Variants in TCF7 observed in about 807,000 individuals in gnomAD.
TCF7 encodes the protein T-cell-factor-7.
TCF7 carries 19 observed loss-of-function variants against 46.8 expected under a neutral mutation model. The ratio of observed to expected loss-of-function variants is 0.41; its 90% CI spans 0.28 to 0.60. TCF7 has a LOEUF of 0.60. Among genes scored for constraint, TCF7 ranks in the 20% least tolerant of loss-of-function variants. The pLI is 0.35. For synonymous variants in TCF7, 245 were observed against 213.4 expected, an observed-to-expected ratio of 1.15 and a Z score of -1.29; for missense variants, 547 against 504.6, an observed-to-expected ratio of 1.08 and a Z score of -0.81.
intron 5 of TCF7, 23 bp from the exon 6 acceptor site, chr5:134,142,162 G>A (rs775975351): frequency 1.9e-6 from 3 of 1,613,814 alleles, no homozygotes; most frequent in Non-Finnish European, 1.7e-6. Flanking sequence ...TTGGCTCAGT[G>A]TTAACTTTCT....
rs781707920 is a variant in TCF7 at position 134,116,073 on chromosome 5, G to A, written c.441+40G>A. On this transcript the variant is annotated intron_variant, in intron 3 of 9. Transcript: ENST00000342854. ...CAGCCAGTGCCGCCCTGTGCTTGCA[G>A]CCTCCTTGACCAGGTAGGTGAGGCA... is the stretch of plus-strand genomic sequence containing the variant. 5 of 1,588,338 alleles carry A rather than the reference G, an allele frequency of 3.1e-6. No homozygotes were observed. In the African/African-American group the frequency reaches 6.7e-5, roughly 21 times the overall value.
chr5:134,132,508 T>C (rs2149320788), intron 3 of TCF7, among the ~76,000 whole-genome samples: 1 of 152,274 alleles, frequency 6.6e-6, no homozygotes, highest in South Asian at 2.1e-4. Context: ...ACCTATCCCC[T>C]ACCCCCCACA....
At chr5:134,144,718 CTT>C in intron 9 of TCF7, 1 of 1,107,144 alleles carries the variant, frequency 9.0e-7, no homozygotes, top group Non-Finnish European at 1.4e-6. Flanking sequence ...GATGTTACCT[CTT>C]CTTTCTGGGC....
rs776798121 is a variant in TCF7, at chr5:134,146,305, C to T, written c.*2C>T. 4 of 1,614,084 alleles carry T rather than the reference C, an allele frequency of 2.5e-6. No individual in the cohort carries two copies. The East Asian group carries it at 6.7e-5, about 27-fold the overall frequency. On this transcript the variant is annotated 3_prime_UTR_variant, in exon 10 of 10. Coordinates refer to ENST00000342854, the MANE Select transcript of TCF7 (RefSeq NM_003202.5). ...TTCCTTCCGATGACAGTGCTCTAGG[C>T]TGCCCCGGGTCCCCAGCTCCCCAGG...
rs1198517145 is a variant in TCF7, at chr5:134,146,629, C to T, written c.*326C>T. ...GTCCTGTTAACGTCATCTCAGGGTC[C>T]AGACCCTGAAGATTTCAGAGGCTGC... is the stretch of plus-strand genomic sequence containing the variant. On this transcript the variant is annotated 3_prime_UTR_variant, in exon 10 of 10. Coordinates refer to ENST00000342854, the MANE Select transcript of TCF7 (RefSeq NM_003202.5). 3.0e-6 allele frequency: 2 copies of T among 670,904 alleles called. No individual in the cohort carries two copies. The highest frequency in any genetic ancestry group is 1.7e-5 in the South Asian group (1 of 60,448). 41.6% of individuals were successfully genotyped at this position (670,904 alleles called of 1,614,324 possible).
intron 2 of TCF7, 70 bp downstream of exon 2, chr5:134,115,457 A>G (rs2149263549): frequency 1.3e-6 from 2 of 1,533,874 alleles, no homozygotes; most frequent in South Asian, 1.2e-5. Flanking sequence ...CGGGGACGCC[A>G]AGGACCGCGG....
In TCF7 at chr5:134,146,659, C is replaced by T. The variant is rs1299175832; in HGVS notation, c.*356C>T. The T allele has an allele frequency of 4.6e-6, 3 of 645,340 alleles. No homozygotes were observed. The highest frequency in any genetic ancestry group is 8.3e-6 in the Non-Finnish European group (3 of 363,344). The allele number at this position is 645,340 out of a possible 1,614,324, so 40.0% of individuals were successfully genotyped here. A position where few individuals can be genotyped will look rare whatever the true frequency, so the allele number is the denominator to read the frequency against. On this transcript the variant is annotated 3_prime_UTR_variant, in exon 10 of 10. Coordinates refer to ENST00000342854, the MANE Select transcript of TCF7 (RefSeq NM_003202.5). ...CCTGAAGATTTCAGAGGCTGCAGGACTTCTGCCTGAACCTGGGGTCATCGA... is the reference window on the plus strand; with the variant it reads ...CCTGAAGATTTCAGAGGCTGCAGGATTTCTGCCTGAACCTGGGGTCATCGA...
intron 3 of TCF7, among the ~76,000 whole-genome samples, chr5:134,128,865 C>G (rs1166214769): frequency 6.6e-6 from 1 of 152,322 alleles, no homozygotes; most frequent in East Asian, 1.9e-4. Flanking sequence ...TCTTGCTTTT[C>G]TTTTGGTCAT....
chr5:134,133,270 C>T (rs1487101888), intron 3 of TCF7, among the ~76,000 whole-genome samples: 2 of 152,190 alleles, frequency 1.3e-5, no homozygotes, highest in African/African-American at 2.4e-5. Context: ...TTACTGTGCA[C>T]CCAGCTCTAG....
chr5:134,115,053 C>T lies in TCF7; in HGVS notation c.147C>T (p.Ala49=). The stretch of plus-strand genomic sequence containing the variant: ...CCGCCGGTCCCGAGCGCGACCTGGC[C>T]GAGCTCAAGTCGTCGCTCGTGAACG... The part of the protein sequence containing the change: ...DSAAGPERDL[A]ELKSSLVNES... Residue 49 remains alanine (A), a synonymous_variant, in exon 1 of 10, where the codon GCC becomes GCT. Coordinates refer to ENST00000342854, the MANE Select transcript of TCF7 (RefSeq NM_003202.5). 3 of 1,221,110 alleles carry T rather than the reference C, an allele frequency of 2.5e-6. No individual in the cohort carries two copies. Among genetic ancestry groups the T allele is most frequent in the South Asian group, 1.6e-5 (1 of 61,604 alleles). The allele number at this position is 1,221,110 out of a possible 1,614,324, so 75.6% of individuals were successfully genotyped here.
chr5:134,130,378 A>G (rs1344977141), intron 3 of TCF7, among the ~76,000 whole-genome samples: 1 of 152,206 alleles, frequency 6.6e-6, no homozygotes, highest in Non-Finnish European at 1.5e-5. Context: ...ACAGACGCCT[A>G]GGGAGCTGTG....
intron 2 of TCF7, chr5:134,115,608 T>TC: frequency 7.0e-7 from 1 of 1,428,476 alleles, no homozygotes; most frequent in Non-Finnish European, 9.2e-7. Flanking sequence ...ACCCCCGCCA[T>TC]CCCCGCCTCC....
At chr5:134,110,437 G>C (rs1387202149), upstream of TCF7, among the ~76,000 whole-genome samples, 1 of 152,180 alleles carries the variant, frequency 6.6e-6, no homozygotes, top group African/African-American at 2.4e-5. Flanking sequence ...CAGCAATTGT[G>C]TGTGCTTGCC....
chr5:134,138,785 C>A, intron 4 of TCF7, 166 bp from the exon 5 acceptor site: 1 of 1,107,252 alleles, frequency 9.0e-7, no homozygotes, highest in Non-Finnish European at 1.3e-6. Context: ...GTCAAAGGGG[C>A]ACTATTATCA....
intron 9 of TCF7, chr5:134,145,763 C>T (rs1450384856): frequency 6.2e-7 from 1 of 1,613,908 alleles, no homozygotes. Context: ...CCAGAGAACT[C>T]AAGGATGGTA....
intron 3 of TCF7, among the ~76,000 whole-genome samples, chr5:134,118,787 T>C (rs1313234815): frequency 1.3e-5 from 2 of 152,084 alleles, no homozygotes; most frequent in Non-Finnish European, 2.9e-5. Context: ...GTGTTTGTGT[T>C]TGTGTTTTTT....
chr5:134,145,977 G>A (rs1358626238), intron 9 of TCF7: 1 of 1,474,306 alleles, frequency 6.8e-7, no homozygotes, highest in East Asian at 2.5e-5. Flanking sequence ...GAAGACAGAT[G>A]ACAGCCCATA....
At chr5:134,133,001 C>CT (rs1428661756) in intron 3 of TCF7, among the ~76,000 whole-genome samples, 4 of 152,204 alleles carry the variant, frequency 2.6e-5, no homozygotes, top group African/African-American at 7.2e-5. Context: ...CTGAGGAAGT[C>CT]TTTGAGCAGT....
upstream of TCF7, among the ~76,000 whole-genome samples, chr5:134,109,683 T>C (rs1052201008): frequency 1.5e-4 from 22 of 151,166 alleles, no homozygotes; most frequent in African/African-American, 4.9e-4. Flanking sequence ...GGTAGGAGAA[T>C]TGCTTGAACC....
Sources: gnomAD v4.1 joint callset for allele counts (sites outside exome capture counted in the v4.1 genomes callset) on GRCh38, gnomAD v4.1.1 for gene constraint, MANE v1.5 for transcripts, NCBI Gene and HGNC (gene_info 2026-07-23, HGNC 2026-07-21) for gene names.